The following PNKD variants were observed in gnomAD, a reference collection of about 807,000 sequenced individuals.
The protein encoded by PNKD is probable thioesterase PNKD.
Under a neutral mutation model 45.3 loss-of-function variants are expected in PNKD, and 36 were observed. The ratio of observed to expected loss-of-function variants is 0.80; its 90% CI spans 0.61 to 1.05. The LOEUF (loss-of-function observed/expected upper bound fraction) is 1.05, where lower values mean the gene tolerates loss of function less well. PNKD is among the 50% of genes least tolerant of loss of function. PNKD has a pLI of 0.00. For missense variants in PNKD, 511 were observed against 506.6 expected (o/e 1.01, Z -0.08); for synonymous variants, 197 against 210.1 (o/e 0.94, Z 0.54).
intron 2 of PNKD, among the ~76,000 whole-genome samples, chr2:218,314,972 G>T (rs554958581): frequency 6.6e-6 from 1 of 152,002 alleles, no homozygotes; most frequent in South Asian, 2.1e-4. Context: ...TGCCAGGCAT[G>T]AGCCACTATG....
intron 2 of PNKD, among the ~76,000 whole-genome samples, chr2:218,283,752 G>T (rs1236071412): frequency 6.6e-6 from 1 of 152,210 alleles, no homozygotes; most frequent in African/African-American, 2.4e-5. Context: ...AGGTGGCAGG[G>T]AGGGTTGAGG....
intron 6 of PNKD, 67 bp from the exon 7 acceptor site, chr2:218,341,914 G>A (rs765690109): frequency 1.5e-6 from 2 of 1,333,576 alleles, no homozygotes; most frequent in Non-Finnish European, 2.1e-6. Context: ...CTTGGGCCTG[G>A]GATGGGGACA....
At chr2:218,316,345 C>T (rs1693815468) in intron 2 of PNKD, among the ~76,000 whole-genome samples, 2 of 145,734 alleles carry the variant, frequency 1.4e-5, no homozygotes, top group South Asian at 4.3e-4. Flanking sequence ...TCTCAGCTCA[C>T]TGCAACCTCC....
intron 2 of PNKD, among the ~76,000 whole-genome samples, chr2:218,318,950 C>CTTTTTTTTTTTTTTTTTTTTTTTTGT (rs769001811): frequency 1.0e-5 from 1 of 99,904 alleles, no homozygotes; most frequent in Non-Finnish European, 1.9e-5. Context: ...TTTTTTTTTT[C>CTTTTTTTTTTTTTTTTTTTTTTTTGT]TTTTTTTTTT....
chr2:218,285,823 G>A (rs111858946), intron 2 of PNKD: 6 of 152,936 alleles, frequency 3.9e-5, no homozygotes, highest in African/African-American at 1.4e-4. Flanking sequence ...CAGGGCTGCC[G>A]GGTTTGGCAG....
Position 218,276,013 on chromosome 2 carries a change from G to A in PNKD, c.236+4464G>A, listed in dbSNP as rs747682844. Reference sequence around the variant, plus strand: ...CCCTCAGCTCCCCTTCCTAGAGTGGGGCTGGGACTTACCAGGGTGAAACAA... The same window carrying A: ...CCCTCAGCTCCCCTTCCTAGAGTGGAGCTGGGACTTACCAGGGTGAAACAA... On this transcript the variant is annotated intron_variant, in intron 2 of 9. Coordinates refer to ENST00000273077, the MANE Select transcript of PNKD (RefSeq NM_015488.5). 3.7e-6 allele frequency: 6 copies of A among 1,609,738 alleles called. No homozygotes were observed. The South Asian group carries it at 5.6e-5, about 15-fold the overall frequency.
In PNKD at chr2:218,339,066, G is replaced by C. The variant is rs148284162; in HGVS notation, c.237-717G>C. ...CTCTCCTTCCCTCCCAAGGTGCTGG[G>C]ATTACAGGTGTGAGCCACTGTACCC... On this transcript the variant is annotated intron_variant, in intron 2 of 9. Coordinates refer to ENST00000273077, the MANE Select transcript of PNKD (RefSeq NM_015488.5). Among the ~76,000 whole-genome samples the C allele has an allele frequency of 2.7e-3, 409 of 152,168 alleles. 1 individual carries two copies. The highest frequency in any genetic ancestry group is 8.3e-3 in the African/African-American group (346 of 41,518).
Position 218,340,228 on chromosome 2 carries a change from C to A in PNKD, c.465+87C>A. 1 of 815,952 alleles carries A rather than the reference C, an allele frequency of 1.2e-6. No individual in the cohort carries two copies. Among genetic ancestry groups the A allele is most frequent in the Non-Finnish European group, 2.1e-6 (1 of 469,562 alleles). 50.5% of individuals were successfully genotyped at this position (815,952 alleles called of 1,614,324 possible). A position where few individuals can be genotyped will look rare whatever the true frequency, so the allele number is the denominator to read the frequency against. ...TTGCTAGAGAGGGCTGACCCTTGTC[C>A]GTCTGCCCGTGGGATGTGTCCCATA... On this transcript the variant is annotated intron_variant, in intron 4 of 9. Transcript: ENST00000273077. The surrounding 1 kb of genome is among the most constrained non-coding windows in gnomAD (Gnocchi z 4.2).
intron 2 of PNKD, among the ~76,000 whole-genome samples, chr2:218,329,800 G>T (rs1164149979): frequency 6.6e-6 from 1 of 152,202 alleles, no homozygotes; most frequent in African/African-American, 2.4e-5. Context: ...CCTCAGTTTT[G>T]AGAATGCACA....
At chr2:218,294,823 G>A (rs553038371) in intron 2 of PNKD, among the ~76,000 whole-genome samples, 2 of 152,268 alleles carry the variant, frequency 1.3e-5, no homozygotes, top group South Asian at 4.1e-4. Context: ...AGAGGGTTCC[G>A]CCTTCATGAC....
chr2:218,288,406 G>A (rs1202474700), intron 2 of PNKD, among the ~76,000 whole-genome samples: 2 of 152,208 alleles, frequency 1.3e-5, no homozygotes, highest in African/African-American at 4.8e-5. Flanking sequence ...TCCAGCCTGG[G>A]CAACAGAGGG....
At chr2:218,272,637 G>A in intron 2 of PNKD, 1 of 1,614,190 alleles carries the variant, frequency 6.2e-7, no homozygotes, top group Admixed American at 1.7e-5. Flanking sequence ...CAAGGACCGT[G>A]TGAAGCAGAT....
chr2:218,278,277 G>A (rs1242296686), intron 2 of PNKD: 3 of 608,478 alleles, frequency 4.9e-6, no homozygotes, highest in Non-Finnish European at 8.7e-6. Context: ...CTTCCTATTT[G>A]TTAACTGGCT....
chr2:218,292,129 C>A (rs1692968574), intron 2 of PNKD, among the ~76,000 whole-genome samples: 1 of 152,304 alleles, frequency 6.6e-6, no homozygotes, highest in Non-Finnish European at 1.5e-5. Flanking sequence ...GGTGGATAGG[C>A]CCTGCGACAG....
chr2:218,339,739 C>A, intron 2 of PNKD, 44 bp from the exon 3 acceptor site: 2 of 1,200,870 alleles, frequency 1.7e-6, no homozygotes, highest in Non-Finnish European at 2.5e-6. Flanking sequence ...TCTAGGGGAG[C>A]TAGGGAGAAA....
intron 2 of PNKD, among the ~76,000 whole-genome samples, chr2:218,307,286 T>C (rs543370907): frequency 6.6e-6 from 1 of 152,260 alleles, no homozygotes; most frequent in East Asian, 1.9e-4. Flanking sequence ...ATTACATTTA[T>C]TGTGCACTAG....
At position 218,341,538 on chromosome 2, in the gene PNKD, C is replaced by G; in HGVS notation, c.529C>G (p.His177Asp). Residue 177 changes from histidine to aspartate, a missense_variant, in exon 6 of 10, where the codon CAC (histidine) becomes GAC (aspartate). Physicochemically the swap from His to Asp is moderately conservative, Grantham distance 81 (BLOSUM62 -1). Transcript: ENST00000273077. Reference protein sequence around the residue: ...AILCTHKHWDHSGGNRDLSRR... With the variant: ...AILCTHKHWDDSGGNRDLSRR... ...CCTGTCTCTGCTGTCCTGCAGGGAC[C>G]ACAGTGGAGGGAACCGTGACCTCAG... The G allele has an allele frequency of 6.3e-7, 1 of 1,596,108 alleles. No homozygotes were observed. Among genetic ancestry groups the G allele is most frequent in the South Asian group, 1.1e-5 (1 of 88,104 alleles).
chr2:218,309,416 C>CAAAAAAA (rs10553302), intron 2 of PNKD, among the ~76,000 whole-genome samples: 1 of 54,466 alleles, frequency 1.8e-5, no homozygotes, highest in African/African-American at 7.8e-5. Flanking sequence ...GACTCCGCCT[C>CAAAAAAA]AAAAAAAAAA....
chr2:218,342,003 G>A lies in PNKD; in HGVS notation c.640G>A (p.Val214Ile). Residue 214 changes from valine (V) to isoleucine (I), a missense_variant, in exon 7 of 10, where the codon GTC (valine) becomes ATC (isoleucine). Transcript: ENST00000273077. ...CAGTCCCCTGTGTCATCAAGATGTGGTCAGCGTGGGACGGCTTCAGATCCG... is the reference window on the plus strand; with the variant it reads ...CAGTCCCCTGTGTCATCAAGATGTGATCAGCGTGGGACGGCTTCAGATCCG... ...LTHPLCHQDV[V>I]SVGRLQIRAL... 6.2e-7 allele frequency: 1 copy of A among 1,613,792 alleles called. No individual in the cohort carries two copies. Among genetic ancestry groups the A allele is most frequent in the South Asian group, 1.1e-5 (1 of 91,074 alleles).
Sources: gnomAD v4.1 joint callset for allele counts (sites outside exome capture counted in the v4.1 genomes callset) on GRCh38, gnomAD v4.1.1 for gene constraint, Gnocchi (gnomAD v3.1) non-coding constraint, MANE v1.5 for transcripts, NCBI Gene and HGNC (gene_info 2026-07-23, HGNC 2026-07-21) for gene names.